VPS8: variants seen among roughly 807,000 people sequenced by gnomAD.
The protein encoded by VPS8 is vacuolar protein sorting-associated protein 8 homolog.
VPS8 carries 129 observed loss-of-function variants against 216.4 expected under a neutral mutation model. That is an observed-to-expected ratio of 0.60 (90% CI 0.52 to 0.69). The LOEUF (loss-of-function observed/expected upper bound fraction) is 0.69, where lower values mean the gene tolerates loss of function less well. Ranked by LOEUF, VPS8 falls within the 30% of genes least tolerant of loss-of-function variation. The pLI, the probability that VPS8 is intolerant of heterozygous loss-of-function variation, is 0.00. For synonymous variants in VPS8, 571 were observed against 565.4 expected, an observed-to-expected ratio of 1.01 and a Z score of -0.14; for missense variants, 1,531 against 1,683.5, an observed-to-expected ratio of 0.91 and a Z score of 1.59.
At chr3:185,038,113 C>T (rs1759155597) in intron 46 of VPS8, among the ~76,000 whole-genome samples, 1 of 152,172 alleles carries the variant, frequency 6.6e-6, no homozygotes, top group Non-Finnish European at 1.5e-5. Context: ...ACCCCCAGGG[C>T]TTGTTATTGG....
At chr3:184,917,832 A>T (rs1464293660) in intron 28 of VPS8, among the ~76,000 whole-genome samples, 3 of 152,226 alleles carry the variant, frequency 2.0e-5, no homozygotes, top group Admixed American at 6.5e-5. Context: ...GAGCTGCTAT[A>T]ACAAAATGCA....
Position 184,834,696 on chromosome 3 carries a change from G to C in VPS8, c.401G>C (p.Arg134Pro). 6.4e-7 allele frequency: 1 copy of C among 1,562,940 alleles called. No homozygotes were observed. Among genetic ancestry groups the C allele is most frequent in the Non-Finnish European group, 8.7e-7 (1 of 1,152,598 alleles). The change falls in exon 5 of 48, where the codon CGC (arginine) becomes CCC (proline). Residue 134 changes from arginine to proline, a missense_variant. Physicochemically the swap from Arg to Pro is moderately radical, Grantham distance 103. Coordinates refer to ENST00000625842, the MANE Select transcript of VPS8 (RefSeq NM_001009921.3). ...DSFSLHGSVM[R>P]HSLLKGISAQ... The stretch of plus-strand genomic sequence containing the variant: ...TTTTCACTTCATGGATCAGTTATGC[G>C]CCATTCACTTTTGAAGGGAATTTCT...
At position 184,982,902 on chromosome 3, in the gene VPS8, G is replaced by T. The variant is rs1750446961; in HGVS notation, c.3503-110G>T. 6.1e-6 allele frequency: 6 copies of T among 987,952 alleles called. No homozygotes were observed. The East Asian group carries it at 1.7e-4, about 28-fold the overall frequency. 61.2% of individuals were successfully genotyped at this position (987,952 alleles called of 1,614,324 possible). Reference sequence around the variant, plus strand: ...TAAAATATCAAAGAGGCCTTGGTTAGCTAAGTTTCTAAGAAGCTATATAAA... The same window carrying T: ...TAAAATATCAAAGAGGCCTTGGTTATCTAAGTTTCTAAGAAGCTATATAAA... On this transcript the variant is annotated intron_variant, in intron 41 of 47. Transcript: ENST00000625842.
chr3:184,857,373 A>G (rs920039525), intron 14 of VPS8, among the ~76,000 whole-genome samples: 11 of 152,226 alleles, frequency 7.2e-5, no homozygotes, highest in African/African-American at 2.7e-4. Context: ...AATATTCCTT[A>G]ATCATTTTCT....
chr3:184,825,102 C>T (rs1230366543), intron 2 of VPS8: 1 of 272,236 alleles, frequency 3.7e-6, no homozygotes. Flanking sequence ...GAGGGTCTCG[C>T]CATGTTGCCC....
intron 44 of VPS8, 129 bp from the exon 45 acceptor site, chr3:184,999,567 T>C: frequency 8.9e-7 from 1 of 1,129,704 alleles, no homozygotes; most frequent in Non-Finnish European, 1.2e-6. Context: ...TTCTTGTTTC[T>C]TACCCTGTAC....
At chr3:184,926,251 C>A (rs1739612711) in intron 30 of VPS8, among the ~76,000 whole-genome samples, 1 of 151,812 alleles carries the variant, frequency 6.6e-6, no homozygotes, top group African/African-American at 2.4e-5. Context: ...GTGGCGGGCA[C>A]CTGTAGTCCC....
chr3:185,040,630 A>G (rs1439606981), intron 46 of VPS8, among the ~76,000 whole-genome samples: 3 of 152,158 alleles, frequency 2.0e-5, no homozygotes, highest in Non-Finnish European at 4.4e-5. Context: ...AAATGACATC[A>G]TCATCTTCCT....
At chr3:185,010,438 C>T (rs1246430814) in intron 45 of VPS8, among the ~76,000 whole-genome samples, 1 of 151,880 alleles carries the variant, frequency 6.6e-6, no homozygotes, top group Non-Finnish European at 1.5e-5. Context: ...ACAGAAATGA[C>T]CCAGATAATA....
chr3:184,852,561 C>T lies in VPS8; in HGVS notation c.815C>T (p.Thr272Ile). 2 of 1,613,330 alleles carry T rather than the reference C, an allele frequency of 1.2e-6. No homozygotes were observed. Among genetic ancestry groups the T allele is most frequent in the Non-Finnish European group, 1.7e-6 (2 of 1,179,576 alleles). The change falls in exon 11 of 48, where the codon ACA (threonine) becomes ATA (isoleucine). Residue 272 changes from threonine to isoleucine, a missense_variant. Physicochemically the swap from Thr to Ile is moderately conservative, Grantham distance 89. Coordinates refer to ENST00000625842, the MANE Select transcript of VPS8 (RefSeq NM_001009921.3). Reference protein sequence around the residue: ...NDSGGSVFELTFKRVMGVRTC... With the variant: ...NDSGGSVFELIFKRVMGVRTC... ...AGCGGAGGCTCTGTTTTTGAATTGA[C>T]ATTTAAGTAAGAGACTAGTGGACAT...
chr3:184,842,571 G>T (rs928969546), intron 7 of VPS8, among the ~76,000 whole-genome samples: 3 of 152,112 alleles, frequency 2.0e-5, no homozygotes, highest in African/African-American at 7.2e-5. Flanking sequence ...TTATCAAATG[G>T]ATTAAAATAT....
chr3:184,853,939 C>A lies in VPS8; in HGVS notation c.904C>A (p.His302Asn). Residue 302 changes from histidine to asparagine, a missense_variant, in exon 12 of 48, where the codon CAT (histidine) becomes AAT (asparagine). This residue lies in a region of VPS8 where 1,318 missense variants were observed against 1,468.4 expected (regional missense o/e 0.90). Coordinates refer to ENST00000625842, the MANE Select transcript of VPS8 (RefSeq NM_001009921.3). ...TGAAGTCTGCTGTATTGAGCCTCTG[C>A]ATTCTAAGCCTGAGTTGAAAGATCA... is the stretch of plus-strand genomic sequence containing the variant. ...KGEVCCIEPL[H>N]SKPELKDHPI... 1 of 1,613,192 alleles carries A rather than the reference C, an allele frequency of 6.2e-7. No individual in the cohort carries two copies. The highest frequency in any genetic ancestry group is 8.5e-7 in the Non-Finnish European group (1 of 1,179,576).
intron 37 of VPS8, among the ~76,000 whole-genome samples, chr3:184,964,058 A>C (rs1481471579): frequency 1.3e-5 from 2 of 151,774 alleles, no homozygotes; most frequent in East Asian, 3.9e-4. Flanking sequence ...TTTTTTACTA[A>C]TTAGAGATTT....
chr3:185,021,393 G>C (rs1339467640), intron 45 of VPS8, among the ~76,000 whole-genome samples: 5 of 152,190 alleles, frequency 3.3e-5, no homozygotes, highest in Non-Finnish European at 7.3e-5. Context: ...AATCTCTAGA[G>C]AACAGGCTTC....
chr3:184,957,586 A>G, intron 37 of VPS8, 65 bp downstream of exon 37: 1 of 1,481,858 alleles, frequency 6.7e-7, no homozygotes, highest in South Asian at 1.4e-5. Flanking sequence ...TTGACAGATG[A>G]TCAAAGACAA....
chr3:184,935,165 C>CA (rs879363790), intron 34 of VPS8, among the ~76,000 whole-genome samples: 94 of 144,220 alleles, frequency 6.5e-4, no homozygotes, highest in Admixed American at 9.7e-4. Context: ...CCGTCTCTAC[C>CA]AAAAAAAAAA....
At chr3:184,950,216 C>CT (rs10700220) in intron 36 of VPS8, among the ~76,000 whole-genome samples, 3,944 of 39,780 alleles carry the variant, frequency 0.099, 1,243 homozygotes, top group African/African-American at 0.15. Flanking sequence ...CAGTTTTCTG[C>CT]TTTTTTTTTT....
chr3:184,817,550 C>T (rs1042703684), intron 1 of VPS8: 3 of 152,256 alleles, frequency 2.0e-5, no homozygotes, highest in African/African-American at 7.2e-5. Context: ...AAAGTTTTAG[C>T]CGATAGTTGA....
At chr3:184,847,600 T>TC (rs530114334) in intron 8 of VPS8, among the ~76,000 whole-genome samples, 1 of 152,152 alleles carries the variant, frequency 6.6e-6, no homozygotes, top group Non-Finnish European at 1.5e-5. Flanking sequence ...TTGCGAAAAC[T>TC]CCAAGTTGTG....
Sources: gnomAD v4.1 joint callset for allele counts (sites outside exome capture counted in the v4.1 genomes callset) on GRCh38, gnomAD v4.1.1 for gene constraint, gnomAD v4.1.1 regional missense constraint, MANE v1.5 for transcripts, NCBI Gene and HGNC (gene_info 2026-07-23, HGNC 2026-07-21) for gene names.